The following EFCC1 variants were observed in gnomAD, a reference collection of about 807,000 sequenced individuals.
EFCC1 encodes the protein EF-hand and coiled-coil domain containing 1, also known as EF-hand and coiled-coil domain-containing protein 1.
A neutral mutation model predicts 52.1 loss-of-function variants in EFCC1; 50 were observed. The ratio of observed to expected loss-of-function variants is 0.96; its 90% CI spans 0.76 to 1.21. EFCC1 has a LOEUF of 1.21. EFCC1 is among the 50% of genes most tolerant of loss of function. The pLI, the probability that EFCC1 is intolerant of heterozygous loss-of-function variation, is 0.00. For synonymous variants in EFCC1, 399 were observed against 396.5 expected, an observed-to-expected ratio of 1.01 and a Z score of -0.08; for missense variants, 837 against 867.3, an observed-to-expected ratio of 0.97 and a Z score of 0.44.
At position 129,027,821 on chromosome 3, in the gene EFCC1, G is replaced by A. The variant is rs1007511184; in HGVS notation, c.981-2882G>A. Among the ~76,000 whole-genome samples, 136 of 152,142 alleles carry A rather than the reference G, an allele frequency of 8.9e-4. 1 individual carries two copies. Among genetic ancestry groups the A allele is most frequent in the Non-Finnish European group, 5.4e-4 (37 of 68,008 alleles). On this transcript the variant is annotated intron_variant, in intron 2 of 7. Coordinates refer to ENST00000683648, the MANE Select transcript of EFCC1 (RefSeq NM_001377500.1). ...ATACAAAAGTTAGCCGGGCATGGTG[G>A]CGGGCGCCTGTAGTCCCAGCTACTT...
chr3:129,021,641 ATCTG>A (rs1415000348), intron 2 of EFCC1, among the ~76,000 whole-genome samples: 18 of 152,350 alleles, frequency 1.2e-4, no homozygotes, highest in African/African-American at 3.6e-4. Flanking sequence ...CTGCGCGGGT[ATCTG>A]TCTATTTATC....
intron 4 of EFCC1, among the ~76,000 whole-genome samples, chr3:129,033,901 G>T (rs571556678): frequency 6.6e-6 from 1 of 152,234 alleles, no homozygotes; most frequent in Non-Finnish European, 1.5e-5. Flanking sequence ...TGGCGGGACC[G>T]CCAGGAGGCC....
chr3:129,033,690 C>T (rs886856864), intron 4 of EFCC1, among the ~76,000 whole-genome samples: 7 of 152,192 alleles, frequency 4.6e-5, no homozygotes, highest in Non-Finnish European at 8.8e-5. Context: ...CAGGGAAAAT[C>T]GCAGTAAACC....
intron 2 of EFCC1, among the ~76,000 whole-genome samples, chr3:129,011,978 C>G (rs1945349640): frequency 6.6e-6 from 1 of 152,252 alleles, no homozygotes; most frequent in Non-Finnish European, 1.5e-5. Flanking sequence ...AGGCTGGATT[C>G]AGTCCACGAG....
At chr3:129,038,964 C>A (rs1482396061) in intron 7 of EFCC1, 64 bp downstream of exon 7, 1 of 1,335,322 alleles carries the variant, frequency 7.5e-7, no homozygotes, top group Non-Finnish European at 1.1e-6. Context: ...GAGGAGGAGA[C>A]TCCAGTGTGC....
intron 2 of EFCC1, among the ~76,000 whole-genome samples, chr3:129,021,299 G>T (rs933224729): frequency 5.3e-5 from 8 of 152,206 alleles, no homozygotes; most frequent in Non-Finnish European, 1.2e-4. Context: ...TATACAAAGG[G>T]TTTTCCAAGA....
intron 2 of EFCC1, among the ~76,000 whole-genome samples, chr3:129,030,250 T>G (rs1163881735): frequency 6.6e-6 from 1 of 152,096 alleles, no homozygotes. Flanking sequence ...TCCCCTATAA[T>G]AAGAAGTACA....
At chr3:129,022,174 G>A (rs976689838) in intron 2 of EFCC1, among the ~76,000 whole-genome samples, 1 of 152,196 alleles carries the variant, frequency 6.6e-6, no homozygotes, top group African/African-American at 2.4e-5. Context: ...CCAGGGGCAG[G>A]AGCTCCACAA....
At chr3:129,030,498 A>C (rs1456027260) in intron 2 of EFCC1, 2 of 458,202 alleles carry the variant, frequency 4.4e-6, no homozygotes, top group African/African-American at 4.0e-5. Flanking sequence ...CTTGAGTCCC[A>C]TTGGCTAAAA....
At chr3:129,030,245 TATA>T (rs1313322162) in intron 2 of EFCC1, among the ~76,000 whole-genome samples, 1 of 152,050 alleles carries the variant, frequency 6.6e-6, no homozygotes, top group East Asian at 1.9e-4. Flanking sequence ...AAAATTCCCC[TATA>T]ATAAGAAGTA....
chr3:129,004,888 G>T (rs117386747), intron 2 of EFCC1, among the ~76,000 whole-genome samples: 1 of 152,142 alleles, frequency 6.6e-6, no homozygotes, highest in Admixed American at 6.5e-5. Context: ...TTTGGCAGAC[G>T]TGTGAGTGTG....
In EFCC1 at chr3:129,039,837, G is replaced by A. The variant is rs1212422839; in HGVS notation, c.1789G>A (p.Val597Ile). The A allele has an allele frequency of 1.5e-5, 24 of 1,605,428 alleles. No individual in the cohort carries two copies. The highest frequency in any genetic ancestry group is 1.7e-4 in the Middle Eastern group (1 of 6,050). Residue 597 changes from valine to isoleucine, a missense_variant, in exon 8 of 8, where the codon GTC becomes ATC. Val to Ile is a conservative substitution (Grantham distance 29). Transcript: ENST00000683648. ...AAAALTNPLLVSC is the reference protein window; with the variant it reads ...AAAALTNPLLISC ...AGCTGCGCTCACCAACCCCCTCCTCGTCTCCTGCTGAGGTTACTGGCCCAC... is the reference window on the plus strand; with the variant it reads ...AGCTGCGCTCACCAACCCCCTCCTCATCTCCTGCTGAGGTTACTGGCCCAC...
At chr3:129,022,576 G>C (rs569777755) in intron 2 of EFCC1, among the ~76,000 whole-genome samples, 1 of 152,320 alleles carries the variant, frequency 6.6e-6, no homozygotes, top group South Asian at 2.1e-4. Context: ...GGCTCACCCG[G>C]CCTCCGGATG....
intron 4 of EFCC1, 129 bp from the exon 5 acceptor site, chr3:129,034,035 G>T: frequency 9.0e-7 from 1 of 1,107,612 alleles, no homozygotes; most frequent in African/African-American, 1.5e-5. Context: ...AGGGTACTGG[G>T]CAGGCAGGTG....
intron 2 of EFCC1, among the ~76,000 whole-genome samples, chr3:129,012,706 G>T (rs1012071615): frequency 1.3e-5 from 2 of 152,304 alleles, no homozygotes; most frequent in South Asian, 4.1e-4. Context: ...ATAGAAGTGG[G>T]ACAACTCCCA....
rs1235430252 is a variant in EFCC1, at chr3:129,001,859, C to G, written c.231C>G (p.Ala77=). 1 of 1,546,220 alleles carries G rather than the reference C, an allele frequency of 6.5e-7. No homozygotes were observed. Among genetic ancestry groups the G allele is most frequent in the East Asian group, 2.5e-5 (1 of 40,694 alleles). ...GCGGCGCCGGCCGTCTGCCCCGCGCCGACTTCCGAGCGCTCTGCGCTGTGC... is the reference window on the plus strand; with the variant it reads ...GCGGCGCCGGCCGTCTGCCCCGCGCGGACTTCCGAGCGCTCTGCGCTGTGC... ...DCRGAGRLPR[A]DFRALCAVLG... is the part of the protein sequence containing the mutation. The change falls in exon 1 of 8, where the codon GCC becomes GCG. Residue 77 remains alanine (A), a synonymous_variant. Coordinates refer to ENST00000683648, the MANE Select transcript of EFCC1 (RefSeq NM_001377500.1).
intron 2 of EFCC1, among the ~76,000 whole-genome samples, chr3:129,029,948 G>T (rs529711965): frequency 1.3e-5 from 2 of 152,036 alleles, no homozygotes; most frequent in African/African-American, 4.8e-5. Flanking sequence ...ACTTTGTGAG[G>T]CCGAGGCAGG....
intron 1 of EFCC1, chr3:129,002,708 T>G (rs1228723278): frequency 4.3e-6 from 1 of 231,902 alleles, no homozygotes; most frequent in South Asian, 1.3e-4. Flanking sequence ...TTCTGGGAGG[T>G]TTAGGAGACA....
chr3:129,009,940 T>C (rs917839841), intron 2 of EFCC1, among the ~76,000 whole-genome samples: 1 of 152,116 alleles, frequency 6.6e-6, no homozygotes, highest in Non-Finnish European at 1.5e-5. Flanking sequence ...CAGAAAAAGA[T>C]TGTTATCCCC....
Sources: gnomAD v4.1 joint callset for allele counts (sites outside exome capture counted in the v4.1 genomes callset) on GRCh38, gnomAD v4.1.1 for gene constraint, MANE v1.5 for transcripts, NCBI Gene and HGNC (gene_info 2026-07-23, HGNC 2026-07-21) for gene names.